GSE1: variants seen among roughly 807,000 people sequenced by gnomAD.
The protein encoded by GSE1 is genetic suppressor element 1.
A neutral mutation model predicts 112.6 loss-of-function variants in GSE1; 32 were observed. The observed-to-expected ratio is 0.28, with a 90% CI of 0.21 to 0.38. The LOEUF (loss-of-function observed/expected upper bound fraction) is 0.38. GSE1 is among the 10% of genes least tolerant of loss of function. GSE1 has a pLI of 1.00. For synonymous variants in GSE1, 1,115 were observed against 735.6 expected (o/e 1.52, Z -8.35); for missense variants, 2,348 against 1,699.2 (o/e 1.38, Z -6.71).
upstream of GSE1, chr16:85,613,099 T>TGCGC (rs151022476): frequency 2.3e-4 from 183 of 795,486 alleles, 1 homozygote; most frequent in Middle Eastern, 1.8e-3. Context: ...CGCCCGTCGG[T>TGCGC]GCGCGCGCGC....
chr16:85,345,087 TC>T (rs2046706924), intron 1 of GSE1, among the ~76,000 whole-genome samples: 1 of 75,788 alleles, frequency 1.3e-5, no homozygotes. Flanking sequence ...TCCCACCCCC[TC>T]CTAAACCCCA....
chr16:85,446,131 G>C lies in GSE1; in HGVS notation c.2464+88488G>C, dbSNP rs563856493. Reference sequence around the variant, plus strand: ...TGATTGCTTCCAGAGAGCCCCGCCTGGCCCTGGCATCCCACCAGGCAGGGA... The same window carrying C: ...TGATTGCTTCCAGAGAGCCCCGCCTCGCCCTGGCATCCCACCAGGCAGGGA... On this transcript the variant is annotated intron_variant, in intron 2 of 2. Transcript: ENST00000637419. Among the ~76,000 whole-genome samples, 12 of 152,306 alleles carry C rather than the reference G, an allele frequency of 7.9e-5. No homozygotes were observed. In the South Asian group the frequency reaches 1.0e-3, roughly 13 times the overall value.
chr16:85,654,130 T>C (rs894104802), intron 3 of GSE1, 148 bp from the exon 4 acceptor site: 2 of 714,700 alleles, frequency 2.8e-6, no homozygotes, highest in African/African-American at 3.6e-5. Context: ...ACATGCACCA[T>C]GTTTTGCGTA....
chr16:85,661,621 C>G lies in GSE1; in HGVS notation c.2116C>G (p.Leu706Val), dbSNP rs771809454. ...AATFGELSGP[L>V]KPGSPYRPPV... ...CACCTTCGGGGAGCTCAGCGGACCC[C>G]TGAAGCCTGGCTCGCCCTACCGGCC... Residue 706 changes from leucine (L) to valine (V), a missense_variant, in exon 9 of 16, where the codon CTG becomes GTG. Coordinates refer to ENST00000253458, the MANE Select transcript of GSE1 (RefSeq NM_014615.5). 1.2e-6 allele frequency: 2 copies of G among 1,611,354 alleles called. No individual in the cohort carries two copies. The highest frequency in any genetic ancestry group is 4.5e-5 in the East Asian group (2 of 44,834).
chr16:85,485,477 T>C (rs2050803548), intron 2 of GSE1, among the ~76,000 whole-genome samples: 1 of 152,252 alleles, frequency 6.6e-6, no homozygotes, highest in African/African-American at 2.4e-5. Context: ...GAGCCAGGCA[T>C]GGCCCCTGCT....
chr16:85,423,950 G>A (rs1017196187), intron 2 of GSE1, among the ~76,000 whole-genome samples: 4 of 152,324 alleles, frequency 2.6e-5, no homozygotes, highest in South Asian at 2.1e-4. Context: ...AAGGAGTGAC[G>A]TGAGGCCACT....
In GSE1 at chr16:85,347,585, A is replaced by G. The variant is rs575750380; in HGVS notation, c.2284-9878A>G. Among the ~76,000 whole-genome samples the G allele has an allele frequency of 5.7e-5, 5 of 88,282 alleles. No individual in the cohort carries two copies. The East Asian group carries it at 1.6e-3, about 29-fold the overall frequency. The allele number at this position is 88,282 out of a possible 152,430, so 57.9% of individuals were successfully genotyped here. On this transcript the variant is annotated intron_variant, in intron 1 of 2. Transcript: ENST00000637419. ...ACCCTCCTGGAAAGACCCGTGCCCCACCCGCCCATCCCACAGTGGGATCAG... is the reference window on the plus strand; with the variant it reads ...ACCCTCCTGGAAAGACCCGTGCCCCGCCCGCCCATCCCACAGTGGGATCAG...
At chr16:85,509,663 G>A (rs190732722) in intron 2 of GSE1, among the ~76,000 whole-genome samples, 5 of 152,368 alleles carry the variant, frequency 3.3e-5, no homozygotes, top group East Asian at 1.9e-4. Flanking sequence ...GAAGGCCAGC[G>A]TGGGGAACAA....
At chr16:85,448,595 G>A (rs538775851) in intron 2 of GSE1, among the ~76,000 whole-genome samples, 6 of 152,314 alleles carry the variant, frequency 3.9e-5, no homozygotes, top group African/African-American at 7.2e-5. Flanking sequence ...GAGCAGAGCC[G>A]ACCCTGTGGC....
At chr16:85,322,365 G>A (rs554295715) in intron 1 of GSE1, among the ~76,000 whole-genome samples, 2 of 152,286 alleles carry the variant, frequency 1.3e-5, no homozygotes, top group South Asian at 4.1e-4. Context: ...AACTCCCGGA[G>A]GCTTCTGGAA....
At chr16:85,581,131 G>A (rs990137293) in intron 1 of GSE1, among the ~76,000 whole-genome samples, 1 of 152,228 alleles carries the variant, frequency 6.6e-6, no homozygotes, top group African/African-American at 2.4e-5. Context: ...TGATCAGCCT[G>A]TGTGTGTTGG....
At chr16:85,551,911 G>A (rs138861343), upstream of GSE1, among the ~76,000 whole-genome samples, 93 of 152,332 alleles carry the variant, frequency 6.1e-4, no homozygotes, top group African/African-American at 2.2e-3. Context: ...CTGGCCCACC[G>A]GCATGCCCAC....
chr16:85,583,229 G>C (rs1345571850), intron 1 of GSE1: 1 of 152,178 alleles, frequency 6.6e-6, no homozygotes, highest in Non-Finnish European at 1.5e-5. Context: ...CTCAGTTGGG[G>C]GTTCCTTCTA....
intron 13 of GSE1, among the ~76,000 whole-genome samples, chr16:85,666,984 G>C (rs977041361): frequency 3.3e-5 from 5 of 152,356 alleles, no homozygotes; most frequent in East Asian, 1.9e-4. Flanking sequence ...CATTGTGTTA[G>C]GTATTACAAG....
At chr16:85,196,698 C>G (rs571594362) in intron 1 of GSE1, among the ~76,000 whole-genome samples, 1 of 152,074 alleles carries the variant, frequency 6.6e-6, no homozygotes, top group Non-Finnish European at 1.5e-5. Context: ...ATTAATCCAG[C>G]GACATGCTAT....
At chr16:85,460,398 G>C (rs2049939291) in intron 2 of GSE1, among the ~76,000 whole-genome samples, 1 of 152,208 alleles carries the variant, frequency 6.6e-6, no homozygotes, top group South Asian at 2.1e-4. Flanking sequence ...GAGCAGGGGT[G>C]ACCACCAGGG....
chr16:85,185,744 C>T (rs887909219), intron 1 of GSE1, among the ~76,000 whole-genome samples: 3 of 152,252 alleles, frequency 2.0e-5, no homozygotes, highest in African/African-American at 4.8e-5. Flanking sequence ...CCTGGTGCTT[C>T]GCCCTCGCCA....
At chr16:85,487,185 G>A (rs1401835318) in intron 2 of GSE1, among the ~76,000 whole-genome samples, 2 of 152,168 alleles carry the variant, frequency 1.3e-5, no homozygotes, top group Admixed American at 1.3e-4. Flanking sequence ...AGGTGAGCAT[G>A]GATACAAATA....
chr16:85,611,445 C>T (rs982450167), upstream of GSE1: 3 of 984,758 alleles, frequency 3.0e-6, no homozygotes, highest in African/African-American at 5.2e-5. Context: ...CCGGCCAAGG[C>T]CGCAAGGGGG....
Sources: gnomAD v4.1 joint callset for allele counts (sites outside exome capture counted in the v4.1 genomes callset) on GRCh38, gnomAD v4.1.1 for gene constraint, MANE v1.5 for transcripts, NCBI Gene and HGNC (gene_info 2026-07-23, HGNC 2026-07-21) for gene names.